The following PTPRD variants were observed in gnomAD, a reference collection of about 807,000 sequenced individuals.
PTPRD encodes the protein receptor-type tyrosine-protein phosphatase delta.
Under a neutral mutation model 214.5 loss-of-function variants are expected in PTPRD, and 34 were observed. The observed-to-expected ratio is 0.16, with a 90% confidence interval of 0.12 to 0.21. The LOEUF is 0.21. Among genes scored for constraint, PTPRD ranks in the 10% least tolerant of loss-of-function variants. PTPRD has a pLI of 1.00. For synonymous variants in PTPRD, 1,128 were observed against 845.7 expected (o/e 1.33, Z -5.79); for missense variants, 2,545 against 2,398.7 (o/e 1.06, Z -1.27).
intron 4 of PTPRD, among the ~76,000 whole-genome samples, chr9:10,032,776 A>G (rs1035211990): frequency 3.3e-5 from 5 of 152,076 alleles, no homozygotes; most frequent in African/African-American, 1.2e-4. Context: ...CCAAAATTTT[A>G]TTCTATTAAT....
At chr9:8,778,344 G>T (rs1372860119) in intron 11 of PTPRD, among the ~76,000 whole-genome samples, 1 of 152,022 alleles carries the variant, frequency 6.6e-6, no homozygotes, top group Non-Finnish European at 1.5e-5. Context: ...TTTCTTCTTT[G>T]ATTTATCTTA....
Position 8,514,372 on chromosome 9 carries a change from T to C in PTPRD, c.1543+3476A>G, listed in dbSNP as rs754843237. ...TTCCTACCATCAGAAAATAAAAATA[T>C]GAAACACTATAGATTTCTATGTTTA... On this transcript the variant is annotated intron_variant, in intron 21 of 45. Coordinates refer to ENST00000381196, the MANE Select transcript of PTPRD (RefSeq NM_002839.4). 3.0e-4 allele frequency among the ~76,000 whole-genome samples: 45 copies of C among 152,132 alleles called. 1 individual carries two copies. The highest frequency in any genetic ancestry group is 1.8e-3 in the Admixed American group (27 of 15,254).
chr9:9,511,569 A>C (rs1220060902), intron 8 of PTPRD, among the ~76,000 whole-genome samples: 1 of 151,808 alleles, frequency 6.6e-6, no homozygotes, highest in Non-Finnish European at 1.5e-5. Flanking sequence ...AAAATTTACA[A>C]GTGTCAAACG....
intron 6 of PTPRD, among the ~76,000 whole-genome samples, chr9:9,763,160 G>A (rs1445290424): frequency 6.6e-6 from 1 of 152,148 alleles, no homozygotes; most frequent in African/African-American, 2.4e-5. Context: ...TAGCAGCTGT[G>A]TTAGAAGTTA....
chr9:10,527,264 G>A (rs2054587272), intron 2 of PTPRD, among the ~76,000 whole-genome samples: 1 of 152,116 alleles, frequency 6.6e-6, no homozygotes, highest in Non-Finnish European at 1.5e-5. Flanking sequence ...ACAGAGGCAG[G>A]GGCATTCATG....
At chr9:9,092,401 G>A (rs1036289112) in intron 10 of PTPRD, among the ~76,000 whole-genome samples, 1 of 151,962 alleles carries the variant, frequency 6.6e-6, no homozygotes, top group South Asian at 2.1e-4. Context: ...ATCACATGCA[G>A]TAAACATATT....
intron 11 of PTPRD, among the ~76,000 whole-genome samples, chr9:8,911,884 TATGA>T (rs1165248383): frequency 2.0e-5 from 3 of 152,070 alleles, no homozygotes; most frequent in Non-Finnish European, 2.9e-5. Context: ...AAAGAAGATA[TATGA>T]ATGATTAATA....
At chr9:8,905,120 C>T (rs1317831827) in intron 11 of PTPRD, among the ~76,000 whole-genome samples, 1 of 152,128 alleles carries the variant, frequency 6.6e-6, no homozygotes, top group Admixed American at 6.5e-5. Context: ...CCAGTCATCT[C>T]TGATTGGGTG....
chr9:9,907,548 G>A (rs1041398462), intron 5 of PTPRD, among the ~76,000 whole-genome samples: 1 of 151,804 alleles, frequency 6.6e-6, no homozygotes, highest in Admixed American at 6.6e-5. Flanking sequence ...TTCTTCTAAG[G>A]ATATCAGTCA....
intron 9 of PTPRD, among the ~76,000 whole-genome samples, chr9:9,376,899 C>T (rs1216999811): frequency 6.6e-6 from 1 of 151,644 alleles, no homozygotes; most frequent in Non-Finnish European, 1.5e-5. Flanking sequence ...TCTTAATAGA[C>T]ACTAAGAAAA....
intron 2 of PTPRD, among the ~76,000 whole-genome samples, chr9:10,453,091 T>A (rs1274514235): frequency 6.6e-6 from 1 of 151,718 alleles, no homozygotes; most frequent in Non-Finnish European, 1.5e-5. Context: ...TTCTCCATTG[T>A]ATATTCTTTA....
chr9:9,670,156 A>G (rs975841534), intron 7 of PTPRD, among the ~76,000 whole-genome samples: 2 of 152,168 alleles, frequency 1.3e-5, no homozygotes, highest in Non-Finnish European at 2.9e-5. Context: ...CAAAGAGTAA[A>G]TATAAGACAC....
At chr9:10,149,727 T>C (rs1276182707) in intron 3 of PTPRD, among the ~76,000 whole-genome samples, 1 of 151,670 alleles carries the variant, frequency 6.6e-6, no homozygotes, top group Non-Finnish European at 1.5e-5. Context: ...CCTTGTCTTT[T>C]TTTTTCTTTT....
chr9:8,791,950 A>T (rs1292855497), intron 11 of PTPRD, among the ~76,000 whole-genome samples: 1 of 152,178 alleles, frequency 6.6e-6, no homozygotes, highest in African/African-American at 2.4e-5. Flanking sequence ...CAGGTCTCAG[A>T]TAAAAGGGAG....
At chr9:8,975,211 T>C (rs750211462) in intron 11 of PTPRD, among the ~76,000 whole-genome samples, 23 of 152,170 alleles carry the variant, frequency 1.5e-4, no homozygotes, top group South Asian at 4.1e-4. Context: ...ACTTCTACTT[T>C]ACCCATGTAA....
chr9:8,703,899 A>G (rs2098142748), intron 12 of PTPRD, among the ~76,000 whole-genome samples: 1 of 152,204 alleles, frequency 6.6e-6, no homozygotes, highest in Non-Finnish European at 1.5e-5. Flanking sequence ...TTCAAGCCAA[A>G]CAACTCTACC....
intron 11 of PTPRD, among the ~76,000 whole-genome samples, chr9:8,961,901 A>C (rs1418946775): frequency 6.6e-6 from 1 of 152,050 alleles, no homozygotes; most frequent in Non-Finnish European, 1.5e-5. Flanking sequence ...CTTCCAAACA[A>C]AGCAAAATAA....
At chr9:9,053,046 C>G (rs1218105949) in intron 10 of PTPRD, among the ~76,000 whole-genome samples, 2 of 152,108 alleles carry the variant, frequency 1.3e-5, no homozygotes, top group Non-Finnish European at 2.9e-5. Context: ...AATATAGTAT[C>G]AGAATTTTTT....
At chr9:9,162,819 A>T (rs868827223) in intron 10 of PTPRD, among the ~76,000 whole-genome samples, 2 of 152,022 alleles carry the variant, frequency 1.3e-5, no homozygotes, top group African/African-American at 4.8e-5. Flanking sequence ...CTCATTCAAC[A>T]TTATTATTTT....
Sources: gnomAD v4.1 joint callset for allele counts (sites outside exome capture counted in the v4.1 genomes callset) on GRCh38, gnomAD v4.1.1 for gene constraint, MANE v1.5 for transcripts, NCBI Gene and HGNC (gene_info 2026-07-23, HGNC 2026-07-21) for gene names.